Variants in PSMD14 observed in about 807,000 individuals in gnomAD.
PSMD14 encodes the protein ubiquitin C-terminal hydrolase PSMD14.
A neutral mutation model predicts 41.2 loss-of-function variants in PSMD14; 7 were observed. The observed-to-expected ratio is 0.17, with a 90% confidence interval of 0.10 to 0.32. The LOEUF (loss-of-function observed/expected upper bound fraction) is 0.32. PSMD14 is among the 10% of genes least tolerant of loss of function. PSMD14 has a pLI of 1.00. For synonymous variants in PSMD14, 114 were observed against 122.3 expected, an observed-to-expected ratio of 0.93 and a Z score of 0.45; for missense variants, 139 against 375.6, an observed-to-expected ratio of 0.37 and a Z score of 5.21.
intron 7 of PSMD14, chr2:161,381,249 C>A (rs1181409604): frequency 6.7e-6 from 1 of 149,310 alleles, no homozygotes; most frequent in African/African-American, 2.4e-5. Flanking sequence ...TATAGGTATA[C>A]ATATATAATA....
At chr2:161,375,595 T>A (rs1333445177) in intron 7 of PSMD14, among the ~76,000 whole-genome samples, 2 of 152,032 alleles carry the variant, frequency 1.3e-5, no homozygotes, top group East Asian at 1.9e-4. Flanking sequence ...TCATTCCAAG[T>A]GGTACTTACC....
At chr2:161,395,248 T>G (rs1207706657) in intron 10 of PSMD14, 45 bp downstream of exon 10, 1 of 1,453,476 alleles carries the variant, frequency 6.9e-7, no homozygotes, top group South Asian at 1.3e-5. Context: ...CTTTGGAATA[T>G]GTATGATTAG....
intron 11 of PSMD14, among the ~76,000 whole-genome samples, chr2:161,409,246 T>A (rs1034990798): frequency 6.6e-6 from 1 of 152,102 alleles, no homozygotes; most frequent in African/African-American, 2.4e-5. Context: ...GTTTTGTTAA[T>A]CATGTACTTT....
At chr2:161,361,845 C>T (rs1436737582) in intron 3 of PSMD14, among the ~76,000 whole-genome samples, 2 of 152,166 alleles carry the variant, frequency 1.3e-5, no homozygotes, top group Non-Finnish European at 2.9e-5. Context: ...AAGCAGCATA[C>T]ACAAGAATTT....
chr2:161,311,316 G>GA (rs935180286), intron 1 of PSMD14, among the ~76,000 whole-genome samples: 8 of 146,646 alleles, frequency 5.5e-5, no homozygotes, highest in South Asian at 2.2e-4. Context: ...CTCAAAAAAG[G>GA]AAAAAAAAAA....
At chr2:161,365,644 A>G (rs1683348263) in intron 3 of PSMD14, among the ~76,000 whole-genome samples, 1 of 152,320 alleles carries the variant, frequency 6.6e-6, no homozygotes, top group East Asian at 1.9e-4. Flanking sequence ...TTATGAATAC[A>G]GTGTTCGTTA....
chr2:161,396,498 G>T (rs1432105653), intron 10 of PSMD14, among the ~76,000 whole-genome samples: 1 of 152,068 alleles, frequency 6.6e-6, no homozygotes, highest in Non-Finnish European at 1.5e-5. Context: ...TAAACCTGTA[G>T]GGCATTATTT....
rs895052626 is a variant in PSMD14 at position 161,371,332 on chromosome 2, A to G, written c.462+10A>G. The stretch of plus-strand genomic sequence containing the variant: ...GAGTGTAAAAGGAAAGGTAGAGTAG[A>G]TTCTATCTTTATTGCCATCTACTGC... On this transcript the variant is annotated intron_variant, in intron 7 of 11. Coordinates refer to ENST00000409682, the MANE Select transcript of PSMD14 (RefSeq NM_005805.6). The G allele has an allele frequency of 6.2e-7, 1 of 1,601,984 alleles. No individual in the cohort carries two copies. The highest frequency in any genetic ancestry group is 8.5e-7 in the Non-Finnish European group (1 of 1,173,276).
At chr2:161,363,178 C>T (rs746459252) in intron 3 of PSMD14, among the ~76,000 whole-genome samples, 1 of 152,200 alleles carries the variant, frequency 6.6e-6, no homozygotes, top group Non-Finnish European at 1.5e-5. Context: ...CATGCTCCAT[C>T]TATAATGCCT....
chr2:161,391,526 T>G (rs1683711587), intron 9 of PSMD14, among the ~76,000 whole-genome samples: 1 of 152,158 alleles, frequency 6.6e-6, no homozygotes, highest in South Asian at 2.1e-4. Flanking sequence ...AAATTAGTAA[T>G]ATATTGCTCT....
At chr2:161,375,845 G>A (rs1185418641) in intron 7 of PSMD14, among the ~76,000 whole-genome samples, 3 of 151,664 alleles carry the variant, frequency 2.0e-5, no homozygotes, top group East Asian at 1.9e-4. Flanking sequence ...GAGCCTGTGC[G>A]ACATGATGAA....
intron 1 of PSMD14, among the ~76,000 whole-genome samples, chr2:161,311,384 G>A (rs1317955639): frequency 1.3e-5 from 2 of 151,972 alleles, no homozygotes; most frequent in Non-Finnish European, 2.9e-5. Flanking sequence ...AAGCAATATA[G>A]TATAACTATT....
intron 3 of PSMD14, among the ~76,000 whole-genome samples, chr2:161,356,041 A>C (rs1171227369): frequency 7.3e-5 from 2 of 27,446 alleles, no homozygotes; most frequent in Non-Finnish European, 1.3e-4. Flanking sequence ...ACTGTCAGCC[A>C]AAGGATTTTT....
In PSMD14 at chr2:161,391,977, A is replaced by G. The variant is rs147676184; in HGVS notation, c.645+799A>G. Among the ~76,000 whole-genome samples the G allele has an allele frequency of 7.3e-3, 1,109 of 152,294 alleles. 14 individuals are homozygous for G. Among genetic ancestry groups the G allele is most frequent in the African/African-American group, 0.025 (1,022 of 41,570 alleles). The stretch of plus-strand genomic sequence containing the variant: ...AAAGGGAAACAGTTTTAGGGTTTTC[A>G]GATAATTTGTACTAGATTCTGATCC... On this transcript the variant is annotated intron_variant, in intron 9 of 11. Transcript: ENST00000409682.
rs142228860 is a variant in PSMD14 at position 161,351,257 on chromosome 2, G to T, written c.49-16221G>T. ...ATTGGTATGGTAGTGTGTCATTGTTGCTGGTGAAGGTGGTCTTATCACTTA... is the reference window on the plus strand; with the variant it reads ...ATTGGTATGGTAGTGTGTCATTGTTTCTGGTGAAGGTGGTCTTATCACTTA... On this transcript the variant is annotated intron_variant, in intron 3 of 11. Transcript: ENST00000409682. Among the ~76,000 whole-genome samples the T allele has an allele frequency of 2.3e-3, 346 of 152,280 alleles. 1 individual carries two copies. The highest frequency in any genetic ancestry group is 8.0e-3 in the African/African-American group (333 of 41,558).
At chr2:161,311,625 CTTTTTTTTTT>C (rs34635738) in intron 1 of PSMD14, among the ~76,000 whole-genome samples, 4 of 58,586 alleles carry the variant, frequency 6.8e-5, no homozygotes, top group Admixed American at 4.8e-4. Context: ...CTCACTCTTC[CTTTTTTTTTT>C]TTTTTTTTTT....
chr2:161,334,236 T>C (rs1179212628), intron 3 of PSMD14, among the ~76,000 whole-genome samples: 6 of 152,166 alleles, frequency 3.9e-5, no homozygotes, highest in African/African-American at 1.4e-4. Flanking sequence ...CTCAGGAGGC[T>C]GAGGCAGGAG....
intron 9 of PSMD14, among the ~76,000 whole-genome samples, chr2:161,391,400 A>G (rs919938344): frequency 1.3e-5 from 2 of 152,164 alleles, no homozygotes; most frequent in Non-Finnish European, 2.9e-5. Flanking sequence ...GAGAGGAAGT[A>G]GGAAATAAAT....
chr2:161,366,694 G>A (rs971971773), intron 3 of PSMD14, among the ~76,000 whole-genome samples: 4 of 152,082 alleles, frequency 2.6e-5, no homozygotes, highest in African/African-American at 9.7e-5. Flanking sequence ...TTGTGGGGCA[G>A]AATCACATTT....
Sources: gnomAD v4.1 joint callset for allele counts (sites outside exome capture counted in the v4.1 genomes callset) on GRCh38, gnomAD v4.1.1 for gene constraint, MANE v1.5 for transcripts, NCBI Gene and HGNC (gene_info 2026-07-23, HGNC 2026-07-21) for gene names.